ZNF431: variants seen among roughly 807,000 people sequenced by gnomAD.
The protein encoded by ZNF431 is zinc finger protein 431.
ZNF431 carries 34 observed loss-of-function variants against 57.0 expected under a neutral mutation model. That is an observed-to-expected ratio of 0.60 (90% CI 0.45 to 0.79). ZNF431 has a LOEUF of 0.79. Among genes scored for constraint, ZNF431 ranks in the 30% least tolerant of loss-of-function variants. The pLI, the probability that ZNF431 is intolerant of heterozygous loss-of-function variation, is 0.00. For synonymous variants in ZNF431, 207 were observed against 220.3 expected (o/e 0.94, Z 0.54); for missense variants, 607 against 667.1 (o/e 0.91, Z 0.99).
At chr19:21,173,100 T>C (rs1361077775) in intron 4 of ZNF431, among the ~76,000 whole-genome samples, 1 of 152,122 alleles carries the variant, frequency 6.6e-6, no homozygotes, top group African/African-American at 2.4e-5. Context: ...TTTGATAATA[T>C]TTGATTTAAT....
At position 21,166,383 on chromosome 19, in the gene ZNF431, T is replaced by C; in HGVS notation, c.145T>C (p.Trp49Arg). The C allele has an allele frequency of 6.2e-7, 1 of 1,612,092 alleles. No homozygotes were observed. Among genetic ancestry groups the C allele is most frequent in the Non-Finnish European group, 8.5e-7 (1 of 1,179,550 alleles). ...DVAIEFSLEE[W>R]ECLNPAQQNL... ...GGCCATAGAATTCTCTCTGGAGGAG[T>C]GGGAATGCCTGAACCCTGCTCAGCA... Residue 49 changes from tryptophan to arginine, a missense_variant, in exon 3 of 5, where the codon TGG becomes CGG. Coordinates refer to ENST00000311048, the MANE Select transcript of ZNF431 (RefSeq NM_133473.4).
chr19:21,167,928 A>T (rs1321200758), intron 4 of ZNF431, among the ~76,000 whole-genome samples: 2 of 152,156 alleles, frequency 1.3e-5, no homozygotes, highest in Non-Finnish European at 2.9e-5. Flanking sequence ...TTGTCATAGC[A>T]TATAAAAGAC....
intron 2 of ZNF431, among the ~76,000 whole-genome samples, chr19:21,153,334 C>T (rs542003002): frequency 1.3e-5 from 2 of 152,258 alleles, no homozygotes; most frequent in Admixed American, 6.5e-5. Flanking sequence ...CCCAGTGGGT[C>T]TCAGCGTTAT....
intron 2 of ZNF431, among the ~76,000 whole-genome samples, chr19:21,159,146 T>C (rs1482536221): frequency 6.6e-6 from 1 of 152,132 alleles, no homozygotes; most frequent in African/African-American, 2.4e-5. Flanking sequence ...TGAAAAAACC[T>C]TGCATACCAG....
intron 4 of ZNF431, among the ~76,000 whole-genome samples, chr19:21,177,154 G>C (rs1279203461): frequency 6.6e-6 from 1 of 152,120 alleles, no homozygotes; most frequent in African/African-American, 2.4e-5. Context: ...AGGGGTTCTT[G>C]TAGTTTTGGG....
At position 21,192,739 on chromosome 19, in the gene ZNF431, C is replaced by T. The variant is rs569830977; in HGVS notation, c.*8705C>T. ...TAGCAGTTTTTTTGGTTATATATGGCATTTATTGGCTGAAGTGCATTTGTT... is the reference window on the plus strand; with the variant it reads ...TAGCAGTTTTTTTGGTTATATATGGTATTTATTGGCTGAAGTGCATTTGTT... On this transcript the variant is annotated 3_prime_UTR_variant, in exon 5 of 5. Transcript: ENST00000311048. 6.6e-6 allele frequency: 1 copy of T among 152,242 alleles called. No individual in the cohort carries two copies. The highest frequency in any genetic ancestry group is 2.4e-5 in the African/African-American group (1 of 41,554). The allele number at this position is 152,242 out of a possible 1,614,324, so 9.4% of individuals were successfully genotyped here.
chr19:21,155,614 T>C (rs527285130), intron 2 of ZNF431, among the ~76,000 whole-genome samples: 1 of 151,962 alleles, frequency 6.6e-6, no homozygotes, highest in Non-Finnish European at 1.5e-5. Context: ...CCTTGCGGAG[T>C]CCCCAATTTT....
At position 21,188,358 on chromosome 19, in the gene ZNF431, T is replaced by C. The variant is rs1159060714; in HGVS notation, c.*4324T>C. On this transcript the variant is annotated 3_prime_UTR_variant, in exon 5 of 5. Transcript: ENST00000311048. The stretch of plus-strand genomic sequence containing the variant: ...AAAGAAAAATCTTACTAGATTCTTA[T>C]ACAAAGTGTGGCAAATATAAAACTT... 6.6e-6 allele frequency: 1 copy of C among 151,940 alleles called. No individual in the cohort carries two copies. Among genetic ancestry groups the C allele is most frequent in the African/African-American group, 2.4e-5 (1 of 41,424 alleles). The allele number at this position is 151,940 out of a possible 1,614,324, so 9.4% of individuals were successfully genotyped here.
In ZNF431 at chr19:21,195,456, A is replaced by G. The variant is rs1364189069; in HGVS notation, c.*11422A>G. 2.0e-5 allele frequency: 3 copies of G among 152,030 alleles called. No homozygotes were observed. The highest frequency in any genetic ancestry group is 7.2e-5 in the African/African-American group (3 of 41,386). The allele number at this position is 152,030 out of a possible 1,614,324, so 9.4% of individuals were successfully genotyped here. On this transcript the variant is annotated 3_prime_UTR_variant, in exon 5 of 5. Transcript: ENST00000311048. Reference sequence around the variant, plus strand: ...TAAAAGATACACAATTTTCTAAAAAATTTTTCTTTATGGGCGATTGAATAG... The same window carrying G: ...TAAAAGATACACAATTTTCTAAAAAGTTTTTCTTTATGGGCGATTGAATAG...
chr19:21,172,464 A>G (rs1461646478), intron 4 of ZNF431, among the ~76,000 whole-genome samples: 1 of 151,918 alleles, frequency 6.6e-6, no homozygotes, highest in Non-Finnish European at 1.5e-5. Flanking sequence ...AAACAATAAA[A>G]ACACATAACA....
intron 2 of ZNF431, among the ~76,000 whole-genome samples, chr19:21,156,223 C>T (rs1332509244): frequency 6.6e-6 from 1 of 152,252 alleles, no homozygotes; most frequent in Admixed American, 6.5e-5. Flanking sequence ...CCCCACCAAG[C>T]TAGGGTTCTG....
chr19:21,178,531 G>A (rs556565471), intron 4 of ZNF431, among the ~76,000 whole-genome samples: 36 of 152,180 alleles, frequency 2.4e-4, no homozygotes, highest in Admixed American at 1.9e-3. Flanking sequence ...GAATTTGTTC[G>A]AAGGCCTTTT....
At position 21,166,425 on chromosome 19, in the gene ZNF431, G is replaced by A; in HGVS notation, c.187G>A (p.Val63Met). ...TGCTCAGCAGAATTTATATATGAAT[G>A]TGATGTTAGAAAACTACAAAAACCT... The part of the protein sequence containing the change: ...NPAQQNLYMN[V>M]MLENYKNLVF... The change falls in exon 3 of 5, where the codon GTG (valine) becomes ATG (methionine). Residue 63 changes from valine to methionine, a missense_variant. Physicochemically the swap from Val to Met is conservative, Grantham distance 21. Transcript: ENST00000311048. 2 of 1,610,320 alleles carry A rather than the reference G, an allele frequency of 1.2e-6. No individual in the cohort carries two copies. Among genetic ancestry groups the A allele is most frequent in the Non-Finnish European group, 1.7e-6 (2 of 1,179,194 alleles).
intron 4 of ZNF431, 97 bp downstream of exon 4, chr19:21,167,763 G>A (rs190010530): frequency 6.4e-6 from 5 of 784,898 alleles, no homozygotes; most frequent in Middle Eastern, 2.8e-4. Flanking sequence ...TTGGGAAGCT[G>A]TGTTATAAAG....
Position 21,182,685 on chromosome 19 carries a change from C to T in ZNF431, c.382C>T (p.Gln128Ter). The change falls in exon 5 of 5, where the codon CAA becomes TAA. Residue 128 changes from glutamine to a stop codon, truncating the protein, a stop_gained. Transcript: ENST00000311048. LOFTEE classifies it high-confidence loss of function. ...GCAAGACATAAAAGATTCTTTTCAACAAGTAATACTGAGAAGATATGGCAA... is the reference window on the plus strand; with the variant it reads ...GCAAGACATAAAAGATTCTTTTCAATAAGTAATACTGAGAAGATATGGCAA... ...PEQDIKDSFQ[Q>*]VILRRYGKCE... 3 of 1,613,232 alleles carry T rather than the reference C, an allele frequency of 1.9e-6. No individual in the cohort carries two copies. The South Asian group carries it at 3.3e-5, about 18-fold the overall frequency.
At chr19:21,171,027 T>G (rs1254240997) in intron 4 of ZNF431, among the ~76,000 whole-genome samples, 2 of 152,260 alleles carry the variant, frequency 1.3e-5, no homozygotes, top group Non-Finnish European at 2.9e-5. Context: ...GTAACCCTAC[T>G]TTGCAAAATA....
intron 1 of ZNF431, among the ~76,000 whole-genome samples, chr19:21,142,883 A>G (rs187994231): frequency 5.5e-4 from 84 of 152,296 alleles, no homozygotes; most frequent in Non-Finnish European, 1.6e-4. Context: ...TTACTGAAAA[A>G]TGTACGTCAG....
In ZNF431 at chr19:21,191,634, C is replaced by A. The variant is rs1272616425; in HGVS notation, c.*7600C>A. ...TCTCTGCATGTGGATATAAAGTTTT[C>A]TTAATTGAAGATTCTGTTCTTTCCC... On this transcript the variant is annotated 3_prime_UTR_variant, in exon 5 of 5. Coordinates refer to ENST00000311048, the MANE Select transcript of ZNF431 (RefSeq NM_133473.4). 6.6e-6 allele frequency: 1 copy of A among 152,080 alleles called. No homozygotes were observed. Among genetic ancestry groups the A allele is most frequent in the Non-Finnish European group, 1.5e-5 (1 of 68,022 alleles). 9.4% of individuals were successfully genotyped at this position (152,080 alleles called of 1,614,324 possible). A position where few individuals can be genotyped will look rare whatever the true frequency, so the allele number is the denominator to read the frequency against.
intron 2 of ZNF431, chr19:21,150,062 A>C: frequency 1.6e-6 from 1 of 626,920 alleles, no homozygotes; most frequent in Non-Finnish European, 3.0e-6. Context: ...CTTAATAAGG[A>C]TGTCCCCTTT....
Sources: gnomAD v4.1 joint callset for allele counts (sites outside exome capture counted in the v4.1 genomes callset) on GRCh38, gnomAD v4.1.1 for gene constraint, MANE v1.5 for transcripts, NCBI Gene and HGNC (gene_info 2026-07-23, HGNC 2026-07-21) for gene names.